CACNB2: variants seen among roughly 807,000 people sequenced by gnomAD.
CACNB2 encodes voltage-dependent L-type calcium channel subunit beta-2.
In CACNB2, 42 loss-of-function variants were observed where a neutral mutation model predicts 73.3. The ratio of observed to expected loss-of-function variants is 0.57; its 90% CI spans 0.45 to 0.74. CACNB2 has a LOEUF of 0.74. Among genes scored for constraint, CACNB2 ranks in the 30% least tolerant of loss-of-function variants. The pLI, the probability that CACNB2 is intolerant of heterozygous loss-of-function variation, is 0.00. For missense variants in CACNB2, 940 were observed against 853.0 expected, an observed-to-expected ratio of 1.10 and a Z score of -1.27; for synonymous variants, 348 against 310.3, an observed-to-expected ratio of 1.12 and a Z score of -1.28.
intron 9 of CACNB2, among the ~76,000 whole-genome samples, chr10:18,526,797 C>T (rs2052511901): frequency 6.6e-6 from 1 of 152,128 alleles, no homozygotes; most frequent in African/African-American, 2.4e-5. Context: ...CATTAGCTAT[C>T]TGAGGGAAGA....
intron 1 of CACNB2, among the ~76,000 whole-genome samples, chr10:18,148,067 G>C (rs1350678808): frequency 1.3e-5 from 2 of 150,208 alleles, no homozygotes; most frequent in Non-Finnish European, 3.0e-5. Flanking sequence ...AAAATAACTG[G>C]TCAGTAAGTA....
intron 3 of CACNB2, among the ~76,000 whole-genome samples, chr10:18,448,679 G>A (rs1055433408): frequency 6.6e-6 from 1 of 152,082 alleles, no homozygotes; most frequent in South Asian, 2.1e-4. Context: ...CAGTTGACCT[G>A]GGGATGACAA....
At chr10:18,483,848 C>T (rs1474296685) in intron 3 of CACNB2, among the ~76,000 whole-genome samples, 1 of 152,090 alleles carries the variant, frequency 6.6e-6, no homozygotes, top group Non-Finnish European at 1.5e-5. Context: ...ATTTAAATGC[C>T]AGCATCAGTT....
At chr10:18,243,457 T>C (rs2036739855) in intron 2 of CACNB2, among the ~76,000 whole-genome samples, 1 of 152,132 alleles carries the variant, frequency 6.6e-6, no homozygotes, top group African/African-American at 2.4e-5. Context: ...CAAGACAACA[T>C]GGCAGAGTTT....
intron 3 of CACNB2, among the ~76,000 whole-genome samples, chr10:18,480,159 T>C (rs986089132): frequency 6.6e-6 from 1 of 152,214 alleles, no homozygotes; most frequent in Non-Finnish European, 1.5e-5. Flanking sequence ...CAAATATATG[T>C]TCATTTTTTT....
chr10:18,519,683 CTAGG>C (rs1272874550), intron 9 of CACNB2: 6 of 455,750 alleles, frequency 1.3e-5, no homozygotes, highest in African/African-American at 6.0e-5. Context: ...TCATATTGCT[CTAGG>C]TGTCTCATTT....
intron 2 of CACNB2, among the ~76,000 whole-genome samples, chr10:18,268,474 T>G (rs925777662): frequency 6.6e-6 from 1 of 152,212 alleles, no homozygotes. Flanking sequence ...TAGACTTACG[T>G]AGAAGGAGGT....
intron 3 of CACNB2, among the ~76,000 whole-genome samples, chr10:18,471,595 C>G (rs574358946): frequency 6.6e-6 from 1 of 152,068 alleles, no homozygotes; most frequent in Admixed American, 6.6e-5. Flanking sequence ...ACTAGTTAGC[C>G]AAAGTCTAAA....
intron 3 of CACNB2, among the ~76,000 whole-genome samples, chr10:18,405,925 G>A (rs970048034): frequency 2.6e-4 from 39 of 151,674 alleles, no homozygotes; most frequent in Admixed American, 7.2e-4. Context: ...TTGCTCTCAC[G>A]TGTGCAACAG....
At chr10:18,533,009 G>A (rs556898564) in intron 10 of CACNB2, 1 of 152,156 alleles carries the variant, frequency 6.6e-6, no homozygotes, top group East Asian at 1.9e-4. Flanking sequence ...ATATTGTGAG[G>A]CAGATGGATT....
chr10:18,298,032 A>G (rs777109365), intron 2 of CACNB2, among the ~76,000 whole-genome samples: 3 of 152,184 alleles, frequency 2.0e-5, no homozygotes, highest in South Asian at 2.1e-4. Flanking sequence ...GGTGAAGGTA[A>G]AAAGAGATAA....
intron 3 of CACNB2, among the ~76,000 whole-genome samples, chr10:18,477,974 G>T (rs2048525106): frequency 6.6e-6 from 1 of 152,072 alleles, no homozygotes. Flanking sequence ...CACTCTTGTT[G>T]CCCAGGCTGG....
At chr10:18,398,364 A>G (rs1204369769) in intron 2 of CACNB2, among the ~76,000 whole-genome samples, 1 of 152,084 alleles carries the variant, frequency 6.6e-6, no homozygotes, top group Non-Finnish European at 1.5e-5. Context: ...TATAACTTCT[A>G]TAACGAAAAA....
chr10:18,144,740 G>T (rs998018968), intron 1 of CACNB2, among the ~76,000 whole-genome samples: 1 of 152,176 alleles, frequency 6.6e-6, no homozygotes, highest in African/African-American at 2.4e-5. Context: ...ATGACATGTT[G>T]CAATGACCAT....
intron 2 of CACNB2, among the ~76,000 whole-genome samples, chr10:18,336,369 C>T (rs572687107): frequency 7.2e-5 from 11 of 152,294 alleles, no homozygotes; most frequent in African/African-American, 2.6e-4. Flanking sequence ...GCTGTAATCC[C>T]ACACTTTGGG....
chr10:18,511,649 T>G (rs2050793182), intron 6 of CACNB2, among the ~76,000 whole-genome samples: 1 of 151,680 alleles, frequency 6.6e-6, no homozygotes, highest in African/African-American at 2.4e-5. Flanking sequence ...AGTGAGTAAA[T>G]TTTTTTTCTT....
chr10:18,339,350 G>A (rs536539331), intron 2 of CACNB2, among the ~76,000 whole-genome samples: 6 of 152,092 alleles, frequency 3.9e-5, no homozygotes, highest in African/African-American at 1.4e-4. Context: ...CTGAAACCCC[G>A]TAACTACTAA....
intron 2 of CACNB2, among the ~76,000 whole-genome samples, chr10:18,211,112 G>T (rs1210544203): frequency 6.6e-6 from 1 of 152,178 alleles, no homozygotes; most frequent in African/African-American, 2.4e-5. Context: ...TGCTGTTGAT[G>T]TTGTAAACAG....
chr10:18,188,407 A>G (rs2034249381), intron 2 of CACNB2, among the ~76,000 whole-genome samples: 1 of 152,078 alleles, frequency 6.6e-6, no homozygotes, highest in South Asian at 2.1e-4. Context: ...CCTGGGTTCA[A>G]GCAATCTTCC....
Sources: gnomAD v4.1 joint callset for allele counts (sites outside exome capture counted in the v4.1 genomes callset) on GRCh38, gnomAD v4.1.1 for gene constraint, MANE v1.5 for transcripts, NCBI Gene and HGNC (gene_info 2026-07-23, HGNC 2026-07-21) for gene names.